The following CCDC148 variants were observed in gnomAD, a reference collection of about 807,000 sequenced individuals.
The protein encoded by CCDC148 is coiled-coil domain containing 148.
Under a neutral mutation model 85.7 loss-of-function variants are expected in CCDC148, and 89 were observed. The ratio of observed to expected loss-of-function variants is 1.04; its 90% confidence interval spans 0.87 to 1.24. The LOEUF is 1.24. CCDC148 is among the 50% of genes most tolerant of loss of function. The pLI is 0.00. For synonymous variants in CCDC148, 230 were observed against 213.9 expected, an observed-to-expected ratio of 1.08 and a Z score of -0.66; for missense variants, 692 against 671.7, an observed-to-expected ratio of 1.03 and a Z score of -0.33.
intron 1 of CCDC148, among the ~76,000 whole-genome samples, chr2:158,438,820 T>C (rs191788608): frequency 0.033 from 4,972 of 152,228 alleles, 119 homozygotes; most frequent in African/African-American, 0.063. Context: ...GCGAAGGATA[T>C]GAACAGACAC....
chr2:158,407,359 T>C (rs938858421), intron 1 of CCDC148, among the ~76,000 whole-genome samples: 1 of 152,150 alleles, frequency 6.6e-6, no homozygotes. Flanking sequence ...CCTTCTTGAA[T>C]TGCATGATCA....
At chr2:158,257,548 T>G (rs1018253350) in intron 9 of CCDC148, among the ~76,000 whole-genome samples, 3 of 151,908 alleles carry the variant, frequency 2.0e-5, no homozygotes, top group Non-Finnish European at 4.4e-5. Context: ...AAGCTTTCTA[T>G]TCTCCATTTG....
chr2:158,312,399 C>T (rs563684225), intron 8 of CCDC148, among the ~76,000 whole-genome samples: 11 of 152,004 alleles, frequency 7.2e-5, no homozygotes, highest in South Asian at 2.1e-4. Flanking sequence ...CTGGCCAACA[C>T]GGTGAAACCC....
chr2:158,224,176 A>G (rs1167054284), intron 10 of CCDC148, among the ~76,000 whole-genome samples: 1 of 152,238 alleles, frequency 6.6e-6, no homozygotes, highest in African/African-American at 2.4e-5. Context: ...ATGAATGCAC[A>G]AGCCTCAGTA....
intron 1 of CCDC148, among the ~76,000 whole-genome samples, chr2:158,368,361 G>A (rs1047453275): frequency 1.3e-5 from 2 of 151,972 alleles, no homozygotes; most frequent in South Asian, 2.1e-4. Context: ...AACATTTCCT[G>A]GTTCCCAAAG....
At chr2:158,455,568 T>C (rs1195508860) in intron 1 of CCDC148, among the ~76,000 whole-genome samples, 1 of 152,194 alleles carries the variant, frequency 6.6e-6, no homozygotes, top group Admixed American at 6.5e-5. Flanking sequence ...AACAAAATAT[T>C]TGTAATTTCC....
intron 1 of CCDC148, among the ~76,000 whole-genome samples, chr2:158,403,630 C>A (rs1685879405): frequency 6.6e-6 from 1 of 151,926 alleles, no homozygotes; most frequent in Non-Finnish European, 1.5e-5. Flanking sequence ...ATTAAATTGG[C>A]ATTTAGTACA....
intron 9 of CCDC148, among the ~76,000 whole-genome samples, chr2:158,266,138 T>G (rs1375757925): frequency 6.6e-6 from 1 of 152,152 alleles, no homozygotes; most frequent in African/African-American, 2.4e-5. Context: ...TTCCCATGCC[T>G]CAAGCCTTTC....
At chr2:158,319,258 T>C (rs1310365622) in intron 7 of CCDC148, among the ~76,000 whole-genome samples, 1 of 152,150 alleles carries the variant, frequency 6.6e-6, no homozygotes, top group African/African-American at 2.4e-5. Context: ...TGGCACTGCT[T>C]CAGGAAAAAT....
At chr2:158,423,676 A>G (rs1004032538) in intron 1 of CCDC148, among the ~76,000 whole-genome samples, 1 of 152,216 alleles carries the variant, frequency 6.6e-6, no homozygotes, top group African/African-American at 2.4e-5. Context: ...CATGACTAAA[A>G]CACCAAAAGC....
rs545907594 is a variant in CCDC148 at position 158,213,583 on chromosome 2, G to T, written c.1370+7012C>A. Among the ~76,000 whole-genome samples the T allele has an allele frequency of 3.3e-4, 51 of 152,270 alleles. 1 individual carries two copies. The highest frequency in any genetic ancestry group is 3.4e-3 in the Middle Eastern group (1 of 294). ...ATGTCATAATGTAAAGGGGAGAAAG[G>T]CCCCTGTGCTTGGAAGAATGGTCTA... On this transcript the variant is annotated intron_variant, in intron 11 of 13. Coordinates refer to ENST00000283233, the MANE Select transcript of CCDC148 (RefSeq NM_138803.4).
At chr2:158,406,649 G>A (rs1423021149) in intron 1 of CCDC148, among the ~76,000 whole-genome samples, 1 of 9,582 alleles carries the variant, frequency 1.0e-4, no homozygotes, top group African/African-American at 2.2e-4. Flanking sequence ...TTGAGACAGT[G>A]TCTCCCTCCA....
intron 1 of CCDC148, among the ~76,000 whole-genome samples, chr2:158,389,164 A>G (rs1005231977): frequency 6.6e-5 from 10 of 152,212 alleles, no homozygotes; most frequent in African/African-American, 1.7e-4. Flanking sequence ...TTAAATTCTC[A>G]TAGAGAACTT....
intron 9 of CCDC148, among the ~76,000 whole-genome samples, chr2:158,268,344 T>C (rs986103445): frequency 3.9e-5 from 6 of 152,246 alleles, no homozygotes; most frequent in Admixed American, 2.6e-4. Flanking sequence ...TTAAAGCATT[T>C]GCCTGACCTC....
intron 2 of CCDC148, among the ~76,000 whole-genome samples, chr2:158,351,475 G>T (rs1683281954): frequency 2.3e-5 from 1 of 43,464 alleles, no homozygotes; most frequent in African/African-American, 8.3e-5. Flanking sequence ...AGGGGCACCT[G>T]GAAAATCGGG....
chr2:158,211,614 T>C (rs1260088379), intron 11 of CCDC148, among the ~76,000 whole-genome samples: 1 of 152,172 alleles, frequency 6.6e-6, no homozygotes, highest in East Asian at 1.9e-4. Context: ...AAATCAAAGT[T>C]GTAAACAACA....
intron 1 of CCDC148, among the ~76,000 whole-genome samples, chr2:158,425,689 G>A (rs779039297): frequency 1.6e-4 from 25 of 152,146 alleles, no homozygotes; most frequent in Non-Finnish European, 2.2e-4. Flanking sequence ...TCCATAGGGA[G>A]AAACTGTGGT....
intron 1 of CCDC148, among the ~76,000 whole-genome samples, chr2:158,375,901 G>C (rs1374256251): frequency 6.6e-6 from 1 of 152,114 alleles, no homozygotes; most frequent in Non-Finnish European, 1.5e-5. Flanking sequence ...CTGGGATGTT[G>C]TTATCAAGAA....
At chr2:158,307,247 T>C (rs543195477) in intron 9 of CCDC148, among the ~76,000 whole-genome samples, 68 of 151,452 alleles carry the variant, frequency 4.5e-4, no homozygotes, top group African/African-American at 1.6e-3. Flanking sequence ...CAAAACCCAA[T>C]AGAAAAATAG....
Sources: allele counts gnomAD v4.1 joint callset (sites outside exome capture counted in the v4.1 genomes callset), GRCh38; gene constraint gnomAD v4.1.1; transcripts MANE v1.5; gene names NCBI Gene and HGNC (gene_info 2026-07-23, HGNC 2026-07-21).